Variants in NGLY1 observed in about 807,000 individuals in gnomAD.
NGLY1 encodes the protein peptide-N(4)-(N-acetyl-beta-glucosaminyl)asparagine amidase.
A neutral mutation model predicts 84.6 loss-of-function variants in NGLY1; 68 were observed. The observed-to-expected ratio is 0.80, with a 90% CI of 0.66 to 0.98. The LOEUF is 0.98. Among genes scored for constraint, NGLY1 ranks in the 50% least tolerant of loss-of-function variants. The pLI, the probability that NGLY1 is intolerant of heterozygous loss-of-function variation, is 0.00. For missense variants in NGLY1, 779 were observed against 770.2 expected, an observed-to-expected ratio of 1.01 and a Z score of -0.14; for synonymous variants, 280 against 275.2, an observed-to-expected ratio of 1.02 and a Z score of -0.17.
At chr3:25,744,583 T>C (rs747867198) in intron 4 of NGLY1, among the ~76,000 whole-genome samples, 4 of 152,214 alleles carry the variant, frequency 2.6e-5, no homozygotes, top group East Asian at 3.8e-4. Context: ...ATGGTGGCCA[T>C]ATAATATCCA....
Position 25,783,334 on chromosome 3 carries a change from C to T in NGLY1, c.57G>A (p.Glu19=), listed in dbSNP as rs146946624. 1.0e-4 allele frequency: 165 copies of T among 1,590,314 alleles called. 3 individuals are homozygous for T. In the East Asian group the frequency reaches 3.7e-3, roughly 36 times the overall value. ...SSGSASPAVA[E]LCQNTPETFL... is the part of the protein sequence containing the mutation. ...AGGTCTCCGGGGTGTTCTGGCAGAG[C>T]TCAGCCACGGCCGGGGACGCCGAGC... is the stretch of plus-strand genomic sequence containing the variant. Residue 19 remains glutamate, a synonymous_variant, in exon 1 of 12, where the codon GAG becomes GAA. Transcript: ENST00000280700. The surrounding 1 kb of genome is among the most constrained non-coding windows in gnomAD (Gnocchi z 4.5).
intron 3 of NGLY1, among the ~76,000 whole-genome samples, chr3:25,755,944 A>T (rs972801029): frequency 6.6e-6 from 1 of 152,162 alleles, no homozygotes; most frequent in Non-Finnish European, 1.5e-5. Context: ...TCTGCCTTTT[A>T]TCACTGACAG....
chr3:25,725,302 G>A (rs1705193903), intron 10 of NGLY1, among the ~76,000 whole-genome samples: 1 of 152,206 alleles, frequency 6.6e-6, no homozygotes, highest in African/African-American at 2.4e-5. Context: ...GAGGTTCCTG[G>A]AGGGTGGCAC....
chr3:25,782,428 C>G (rs994036730), intron 1 of NGLY1, among the ~76,000 whole-genome samples: 2 of 152,118 alleles, frequency 1.3e-5, no homozygotes, highest in Admixed American at 1.3e-4. Flanking sequence ...TTCCCTACCC[C>G]CCCACACCAT....
chr3:25,771,953 G>T (rs535820691), intron 2 of NGLY1, among the ~76,000 whole-genome samples: 107 of 152,074 alleles, frequency 7.0e-4, no homozygotes, highest in Non-Finnish European at 1.4e-3. Context: ...GGTTTTCCAG[G>T]TATATGATCA....
rs766628355 is a variant in NGLY1 at position 25,739,594 on chromosome 3, G to C, written c.864C>G (p.Phe288Leu). The change falls in exon 5 of 12, where the codon TTC (phenylalanine) becomes TTG (leucine). Residue 288 changes from phenylalanine to leucine, a missense_variant. Phe to Leu is a conservative substitution (Grantham distance 22). Transcript: ENST00000280700. ...GCACCCACCTTGGGAATCGATTGCT[G>C]AACTGGCAGGCATCACAGTAATGAT... ...VEDHYCDACQFSNRFPRYNNP... is the reference protein window; with the variant it reads ...VEDHYCDACQLSNRFPRYNNP... 4 of 1,614,046 alleles carry C rather than the reference G, an allele frequency of 2.5e-6. No homozygotes were observed. The highest frequency in any genetic ancestry group is 2.2e-5 in the South Asian group (2 of 91,070).
At chr3:25,726,926 C>G (rs2125455441) in intron 10 of NGLY1, among the ~76,000 whole-genome samples, 1 of 152,234 alleles carries the variant, frequency 6.6e-6, no homozygotes, top group Non-Finnish European at 1.5e-5. Flanking sequence ...AAATTTTAAT[C>G]TTTGTGCTCC....
At chr3:25,727,561 T>C (rs1427206709) in intron 10 of NGLY1, among the ~76,000 whole-genome samples, 1 of 152,198 alleles carries the variant, frequency 6.6e-6, no homozygotes, top group African/African-American at 2.4e-5. Context: ...ACTGTTTCCA[T>C]AGCAATGTGT....
chr3:25,730,378 C>T (rs1322834527), intron 9 of NGLY1: 1 of 151,956 alleles, frequency 6.6e-6, no homozygotes, highest in African/African-American at 2.4e-5. Flanking sequence ...CTAAAATGGT[C>T]TCCAGCAATT....
intron 9 of NGLY1, among the ~76,000 whole-genome samples, chr3:25,731,068 T>G (rs1231852831): frequency 6.6e-6 from 1 of 152,094 alleles, no homozygotes; most frequent in Non-Finnish European, 1.5e-5. Flanking sequence ...TGTTATTTAA[T>G]TTTGGAAGAT....
chr3:25,720,208 T>G lies in NGLY1; in HGVS notation c.1612-17A>C, dbSNP rs1400756192. The G allele has an allele frequency of 6.3e-7, 1 of 1,594,010 alleles. No individual in the cohort carries two copies. The highest frequency in any genetic ancestry group is 1.7e-5 in the Admixed American group (1 of 58,052). On this transcript the variant is annotated splice_polypyrimidine_tract_variant and intron_variant, in intron 10 of 11. Transcript: ENST00000280700. ...CAAATATACCTATAAGGAGTAGGGA[T>G]GGGGAGAAAGGAACTGTCAGAAAAA... is the stretch of plus-strand genomic sequence containing the variant.
upstream of NGLY1, among the ~76,000 whole-genome samples, chr3:25,784,724 A>C (rs1454443986): frequency 6.6e-6 from 1 of 152,230 alleles, no homozygotes; most frequent in African/African-American, 2.4e-5. Flanking sequence ...CATCCAGTTC[A>C]ATGACTATTC....
upstream of NGLY1, chr3:25,783,493 G>T: frequency 8.6e-7 from 1 of 1,159,342 alleles, no homozygotes; most frequent in Admixed American, 7.4e-5. The surrounding 1 kb of genome is among the most constrained non-coding windows in gnomAD (Gnocchi z 4.5). Flanking sequence ...GGCAGGGGCG[G>T]GGTCCTCGGC....
Position 25,732,501 on chromosome 3 carries a change from T to TA in NGLY1, c.1261-19dup, listed in dbSNP as rs752759931. ...AGTTGCCTCTGTAATTCATGTTTTT[T>TA]AAAAAAGTTGTTAAGATTAGGGGAA... On this transcript the variant is annotated intron_variant, in intron 8 of 11. Coordinates refer to ENST00000280700, the MANE Select transcript of NGLY1 (RefSeq NM_018297.4). 1.1e-5 allele frequency: 17 copies of TA among 1,604,596 alleles called. No individual in the cohort carries two copies. The East Asian group carries it at 3.1e-4, about 29-fold the overall frequency.
At chr3:25,764,382 C>T in intron 2 of NGLY1, 71 bp from the exon 3 acceptor site, 17 of 1,454,676 alleles carry the variant, frequency 1.2e-5, no homozygotes, top group Non-Finnish European at 1.6e-5. Flanking sequence ...CACACACACA[C>T]AGAAATGTAT....
intron 2 of NGLY1, among the ~76,000 whole-genome samples, chr3:25,768,403 CAA>C (rs1157606818): frequency 8.0e-6 from 1 of 125,062 alleles, no homozygotes; most frequent in Non-Finnish European, 1.6e-5. Context: ...GCCTGGGCAA[CAA>C]GAGGTGAAAC....
intron 4 of NGLY1, among the ~76,000 whole-genome samples, chr3:25,740,602 C>T (rs560239809): frequency 6.6e-6 from 1 of 151,338 alleles, no homozygotes; most frequent in Non-Finnish European, 1.5e-5. Flanking sequence ...TCTAATAAAG[C>T]TTGATGTTGG....
intron 2 of NGLY1, among the ~76,000 whole-genome samples, chr3:25,770,121 C>A (rs1180906879): frequency 6.6e-6 from 1 of 152,102 alleles, no homozygotes; most frequent in East Asian, 1.9e-4. Flanking sequence ...TTATTTCATT[C>A]TTTTTTTATA....
rs201791209 is a variant in NGLY1 at position 25,737,406 on chromosome 3, C to A, written c.931G>T (p.Glu311Ter). Residue 311 changes from glutamate to a stop codon, truncating the protein, a stop_gained, in exon 6 of 12, where the codon GAG becomes TAG. Coordinates refer to ENST00000280700, the MANE Select transcript of NGLY1 (RefSeq NM_018297.4). LOFTEE classifies it high-confidence loss of function. ...LLETRCGRCG[E>*]WANCFTLCCR... is the part of the protein sequence containing the mutation. Reference sequence around the variant, plus strand: ...CACAGTGTAAAACAATTGGCCCACTCGCCACACCGTCCACATCTTGTTTCC... The same window carrying A: ...CACAGTGTAAAACAATTGGCCCACTAGCCACACCGTCCACATCTTGTTTCC... The A allele has an allele frequency of 6.2e-7, 1 of 1,613,956 alleles. No homozygotes were observed. The highest frequency in any genetic ancestry group is 1.1e-5 in the South Asian group (1 of 91,060).
Sources: gnomAD v4.1 joint callset for allele counts (sites outside exome capture counted in the v4.1 genomes callset) on GRCh38, gnomAD v4.1.1 for gene constraint, Gnocchi (gnomAD v3.1) non-coding constraint, MANE v1.5 for transcripts, NCBI Gene and HGNC (gene_info 2026-07-23, HGNC 2026-07-21) for gene names.